The following GRID2 variants were observed in gnomAD, a reference collection of about 807,000 sequenced individuals.
The protein encoded by GRID2 is glutamate ionotropic receptor delta type subunit 2, also known as glutamate receptor ionotropic, delta-2.
In GRID2, 33 loss-of-function variants were observed where a neutral mutation model predicts 114.8. The observed-to-expected ratio is 0.29, with a 90% CI of 0.22 to 0.38. The LOEUF is 0.38. Among genes scored for constraint, GRID2 ranks in the 10% least tolerant of loss-of-function variants. The probability of loss-of-function intolerance (pLI) is 1.00; values close to 1 mark genes in which losing one functional copy is unlikely to be tolerated. For missense variants in GRID2, 1,184 were observed against 1,257.7 expected (o/e 0.94, Z 0.89); for synonymous variants, 505 against 449.9 (o/e 1.12, Z -1.55).
intron 1 of GRID2, among the ~76,000 whole-genome samples, chr4:92,402,181 C>T (rs1191336387): frequency 2.0e-5 from 3 of 152,134 alleles, no homozygotes; most frequent in Admixed American, 2.0e-4. Flanking sequence ...AGTTCTCTTG[C>T]TATTTACACC....
intron 2 of GRID2, among the ~76,000 whole-genome samples, chr4:92,812,894 T>G (rs566829056): frequency 5.3e-5 from 8 of 152,228 alleles, no homozygotes; most frequent in Non-Finnish European, 7.4e-5. Flanking sequence ...CACTCAGAGC[T>G]TAACAAAATG....
At chr4:92,657,375 A>G (rs916834912) in intron 2 of GRID2, among the ~76,000 whole-genome samples, 1 of 151,576 alleles carries the variant, frequency 6.6e-6, no homozygotes, top group Non-Finnish European at 1.5e-5. Context: ...GCTGAATTTG[A>G]TGGTATGTTT....
chr4:93,239,388 A>G (rs4478149), intron 8 of GRID2, among the ~76,000 whole-genome samples: 147,760 of 150,086 alleles, frequency 0.98, 72,741 homozygotes, highest in East Asian at 1. Flanking sequence ...GTAGGGAAAA[A>G]CCTAACATAA....
intron 13 of GRID2, among the ~76,000 whole-genome samples, chr4:93,574,438 C>A (rs898627478): frequency 6.6e-6 from 1 of 152,104 alleles, no homozygotes; most frequent in Non-Finnish European, 1.5e-5. Flanking sequence ...CAAGACTGGG[C>A]AATTGACAAA....
intron 3 of GRID2, among the ~76,000 whole-genome samples, chr4:93,109,089 G>A (rs1389704493): frequency 6.6e-6 from 1 of 152,174 alleles, no homozygotes; most frequent in Admixed American, 6.5e-5. Flanking sequence ...GTCAACCAAA[G>A]TCCATCAAAT....
intron 14 of GRID2, among the ~76,000 whole-genome samples, chr4:93,682,956 A>T (rs1307942502): frequency 6.6e-6 from 1 of 151,828 alleles, no homozygotes; most frequent in African/African-American, 2.4e-5. Flanking sequence ...AAGAAAGAAA[A>T]GAAAAACACC....
At chr4:92,663,661 C>T (rs1732628779) in intron 2 of GRID2, among the ~76,000 whole-genome samples, 1 of 150,640 alleles carries the variant, frequency 6.6e-6, no homozygotes, top group African/African-American at 2.4e-5. Flanking sequence ...TAAAATTTGC[C>T]ATCTTATCTA....
intron 2 of GRID2, among the ~76,000 whole-genome samples, chr4:92,942,221 A>T (rs1334065046): frequency 6.6e-6 from 1 of 152,062 alleles, no homozygotes; most frequent in African/African-American, 2.4e-5. Flanking sequence ...TTTGTAGGTC[A>T]CTAAGGACTT....
chr4:92,521,416 T>C (rs1724771973), intron 1 of GRID2, among the ~76,000 whole-genome samples: 1 of 151,946 alleles, frequency 6.6e-6, no homozygotes. Context: ...CGACAATTTA[T>C]TTAAAAGATT....
At chr4:92,397,316 A>G (rs1479100299) in intron 1 of GRID2, among the ~76,000 whole-genome samples, 1 of 151,050 alleles carries the variant, frequency 6.6e-6, no homozygotes, top group East Asian at 1.9e-4. Context: ...TGAGAGGAAA[A>G]TTATAATAAA....
intron 2 of GRID2, among the ~76,000 whole-genome samples, chr4:92,723,860 AT>A (rs1278367301): frequency 1.3e-5 from 2 of 152,116 alleles, no homozygotes; most frequent in Non-Finnish European, 2.9e-5. Flanking sequence ...TTCTCTTCCT[AT>A]TACCTCTTGT....
intron 2 of GRID2, among the ~76,000 whole-genome samples, chr4:93,009,352 A>G: frequency 6.6e-6 from 1 of 152,226 alleles, no homozygotes; most frequent in Non-Finnish European, 1.5e-5. Flanking sequence ...GGAGTGAAAA[A>G]TAATCAGGGT....
intron 2 of GRID2, among the ~76,000 whole-genome samples, chr4:92,816,503 G>A (rs1386973929): frequency 6.6e-6 from 1 of 151,920 alleles, no homozygotes; most frequent in African/African-American, 2.4e-5. Context: ...TATATAGCCA[G>A]GCAAAATAAA....
chr4:92,415,060 A>T (rs1289721251), intron 1 of GRID2, among the ~76,000 whole-genome samples: 1 of 152,066 alleles, frequency 6.6e-6, no homozygotes, highest in Non-Finnish European at 1.5e-5. Context: ...ATAAATTGTC[A>T]TCTTAAACCC....
At chr4:92,934,116 T>G (rs994618082) in intron 2 of GRID2, among the ~76,000 whole-genome samples, 1 of 151,770 alleles carries the variant, frequency 6.6e-6, no homozygotes, top group Non-Finnish European at 1.5e-5. Flanking sequence ...TTTTCCTACT[T>G]TAGAAATTTA....
At chr4:93,012,009 C>G (rs1328797277) in intron 2 of GRID2, among the ~76,000 whole-genome samples, 1 of 149,304 alleles carries the variant, frequency 6.7e-6, no homozygotes, top group South Asian at 2.1e-4. Context: ...GGAATGATGA[C>G]TAGCACTGAA....
intron 1 of GRID2, among the ~76,000 whole-genome samples, chr4:92,347,890 T>C (rs980763494): frequency 2.6e-5 from 4 of 152,156 alleles, no homozygotes; most frequent in African/African-American, 7.2e-5. Flanking sequence ...TAATATTACG[T>C]TTTATGAAAT....
chr4:93,806,630 C>T (rs1207373564), intron 1 of GRID2: 1 of 152,206 alleles, frequency 6.6e-6, no homozygotes, highest in Non-Finnish European at 1.5e-5. Flanking sequence ...GGAGCCAATG[C>T]CTTATAAGTA....
At chr4:93,429,884 G>C (rs1769235786) in intron 10 of GRID2, among the ~76,000 whole-genome samples, 1 of 152,118 alleles carries the variant, frequency 6.6e-6, no homozygotes, top group Non-Finnish European at 1.5e-5. Context: ...TTTCATGAGA[G>C]TAAAGAATGT....
Sources: gnomAD v4.1 joint callset for allele counts (sites outside exome capture counted in the v4.1 genomes callset) on GRCh38, gnomAD v4.1.1 for gene constraint, MANE v1.5 for transcripts, NCBI Gene and HGNC (gene_info 2026-07-23, HGNC 2026-07-21) for gene names.